The following CAST variants were observed in gnomAD, a reference collection of about 807,000 sequenced individuals.
The protein encoded by CAST is MIR583 host.
A neutral mutation model predicts 119.6 loss-of-function variants in CAST; 76 were observed. The ratio of observed to expected loss-of-function variants is 0.64; its 90% confidence interval spans 0.53 to 0.77. The LOEUF (loss-of-function observed/expected upper bound fraction) is 0.77. Among genes scored for constraint, CAST ranks in the 30% least tolerant of loss-of-function variants. CAST has a pLI of 0.00. For synonymous variants in CAST, 319 were observed against 331.6 expected (o/e 0.96, Z 0.41); for missense variants, 953 against 946.5 (o/e 1.01, Z -0.09).
At chr5:96,588,623 A>G (rs926235100) in intron 1 of CAST, among the ~76,000 whole-genome samples, 1 of 152,220 alleles carries the variant, frequency 6.6e-6, no homozygotes, top group Admixed American at 6.5e-5. Flanking sequence ...ATGAAATTAC[A>G]ATAAGATGGC....
chr5:96,427,660 A>G, the CAST span, among the ~76,000 whole-genome samples: 1 of 152,148 alleles, frequency 6.6e-6, no homozygotes, highest in Admixed American at 6.5e-5. Context: ...CATTGTCATG[A>G]GATACTTTGA....
intron 1 of CAST, among the ~76,000 whole-genome samples, chr5:96,646,811 T>A (rs957852025): frequency 3.3e-5 from 5 of 152,166 alleles, no homozygotes; most frequent in Admixed American, 3.3e-4. Flanking sequence ...ATCAAGTGCA[T>A]GTATAATGTG....
At chr5:96,364,501 G>A in the CAST span, among the ~76,000 whole-genome samples, 1 of 152,140 alleles carries the variant, frequency 6.6e-6, no homozygotes, top group Non-Finnish European at 1.5e-5. Flanking sequence ...CAACTTCAGA[G>A]CCTGTTATTG....
At chr5:96,377,643 C>CT in the CAST span, among the ~76,000 whole-genome samples, 945 of 152,176 alleles carry the variant, frequency 6.2e-3, 13 homozygotes, top group African/African-American at 0.022. Flanking sequence ...TCATAATGTT[C>CT]ACACAATGAT....
At chr5:96,069,680 T>TTTTTA in the CAST span, among the ~76,000 whole-genome samples, 1 of 127,940 alleles carries the variant, frequency 7.8e-6, no homozygotes. Context: ...TTTTTTTTTT[T>TTTTTA]GTAGAGAGGG....
upstream of CAST, among the ~76,000 whole-genome samples, chr5:96,524,369 G>A (rs1160252732): frequency 6.6e-6 from 1 of 152,224 alleles, no homozygotes; most frequent in South Asian, 2.1e-4. Context: ...GAAAGTGGAA[G>A]GAAACTTCAA....
the CAST span, among the ~76,000 whole-genome samples, chr5:96,346,276 A>T: frequency 3.1e-3 from 466 of 152,306 alleles, 3 homozygotes; most frequent in African/African-American, 0.011. Flanking sequence ...GATATTCTGC[A>T]GGAAGGCAGA....
the CAST span, among the ~76,000 whole-genome samples, chr5:96,004,640 A>G: frequency 6.6e-6 from 1 of 152,190 alleles, no homozygotes; most frequent in African/African-American, 2.4e-5. Flanking sequence ...TTTAGGCCAT[A>G]TTTCAAAGTC....
chr5:96,445,470 T>C, the CAST span, among the ~76,000 whole-genome samples: 268 of 152,360 alleles, frequency 1.8e-3, 1 homozygote, highest in Middle Eastern at 0.01. Flanking sequence ...AGACACATAA[T>C]GGTTCCCTTT....
the CAST span, among the ~76,000 whole-genome samples, chr5:96,143,364 A>C: frequency 6.6e-6 from 1 of 152,190 alleles, no homozygotes; most frequent in African/African-American, 2.4e-5. Flanking sequence ...ATGCACTTTT[A>C]ATCTATAGCT....
At chr5:96,385,481 G>C in the CAST span, among the ~76,000 whole-genome samples, 1 of 152,192 alleles carries the variant, frequency 6.6e-6, no homozygotes, top group African/African-American at 2.4e-5. Context: ...TTTGGCAAAT[G>C]ATTTAACCTT....
At chr5:96,504,575 A>G in the CAST span, among the ~76,000 whole-genome samples, 1 of 151,754 alleles carries the variant, frequency 6.6e-6, no homozygotes, top group Non-Finnish European at 1.5e-5. Flanking sequence ...TTAAAGACAG[A>G]CCACTGCCTA....
the CAST span, among the ~76,000 whole-genome samples, chr5:96,186,438 G>T: frequency 3.3e-5 from 5 of 152,128 alleles, no homozygotes; most frequent in African/African-American, 1.2e-4. Context: ...TTTTCAAGGG[G>T]AATGCTTCCA....
chr5:96,066,770 C>T, the CAST span, among the ~76,000 whole-genome samples: 92,953 of 151,708 alleles, frequency 0.61, 28,638 homozygotes, highest in Non-Finnish European at 0.63. Context: ...AGCAATTCTC[C>T]CCCCTCAGTC....
the CAST span, among the ~76,000 whole-genome samples, chr5:96,509,078 A>G: frequency 2.2e-4 from 33 of 152,344 alleles, no homozygotes; most frequent in Non-Finnish European, 3.7e-4. Context: ...ATTATCTTTC[A>G]AAGTGAATCC....
the CAST span, among the ~76,000 whole-genome samples, chr5:96,389,987 A>C: frequency 6.6e-6 from 1 of 152,146 alleles, no homozygotes; most frequent in Non-Finnish European, 1.5e-5. Flanking sequence ...AACCTCTGGG[A>C]AGGATTTCAC....
chr5:96,511,567 C>G, the CAST span, among the ~76,000 whole-genome samples: 1 of 152,242 alleles, frequency 6.6e-6, no homozygotes, highest in African/African-American at 2.4e-5. Context: ...AACCCCTCCT[C>G]TCCCAGACAT....
At chr5:96,052,363 A>G in the CAST span, among the ~76,000 whole-genome samples, 1 of 152,202 alleles carries the variant, frequency 6.6e-6, no homozygotes, top group South Asian at 2.1e-4. Context: ...GAGTTCAGAA[A>G]GTGATGAGTA....
intron 1 of CAST, among the ~76,000 whole-genome samples, chr5:96,669,881 T>C (rs73774364): frequency 0.023 from 3,548 of 152,362 alleles, 143 homozygotes; most frequent in African/African-American, 0.081. Context: ...ATTGGAATCA[T>C]CTGGGGAACT....
Sources: allele counts gnomAD v4.1 joint callset (sites outside exome capture counted in the v4.1 genomes callset), GRCh38; gene constraint gnomAD v4.1.1; transcripts MANE v1.5; gene names NCBI Gene and HGNC (gene_info 2026-07-23, HGNC 2026-07-21).